The following PCNX2 variants were observed in gnomAD, a reference collection of about 807,000 sequenced individuals.
The protein encoded by PCNX2 is pecanex 2.
A neutral mutation model predicts 223.8 loss-of-function variants in PCNX2; 168 were observed. That is an observed-to-expected ratio of 0.75 (90% CI 0.66 to 0.85). PCNX2 has a LOEUF of 0.85. Among genes scored for constraint, PCNX2 ranks in the 40% least tolerant of loss-of-function variants. PCNX2 has a pLI of 0.00. For synonymous variants in PCNX2, 1,006 were observed against 1,052.6 expected (o/e 0.96, Z 0.86); for missense variants, 2,507 against 2,675.5 (o/e 0.94, Z 1.39).
intron 25 of PCNX2, among the ~76,000 whole-genome samples, chr1:233,039,541 A>C (rs1214715706): frequency 6.6e-6 from 1 of 152,204 alleles, no homozygotes; most frequent in Non-Finnish European, 1.5e-5. Context: ...CTTCTAATCC[A>C]ACCAATATTT....
At chr1:233,311,998 G>T in the PCNX2 span, among the ~76,000 whole-genome samples, 1 of 151,950 alleles carries the variant, frequency 6.6e-6, no homozygotes, top group Non-Finnish European at 1.5e-5. Flanking sequence ...GTGGTGGCAG[G>T]CGCCTATAGT....
chr1:233,108,089 C>G (rs1012527493), intron 21 of PCNX2, among the ~76,000 whole-genome samples: 5 of 152,190 alleles, frequency 3.3e-5, no homozygotes, highest in African/African-American at 1.2e-4. Context: ...TATTCCACCC[C>G]TTGTTTAGCA....
rs755360550 is a variant in PCNX2, at chr1:233,200,231, A to G, written c.2897T>C (p.Leu966Pro). 1 of 1,589,672 alleles carries G rather than the reference A, an allele frequency of 6.3e-7. No homozygotes were observed. Among genetic ancestry groups the G allele is most frequent in the East Asian group, 2.3e-5 (1 of 44,118 alleles). Residue 966 changes from leucine to proline, a missense_variant, in exon 14 of 34, where the codon CTT (leucine) becomes CCT (proline). Physicochemically the swap from Leu to Pro is moderately conservative, Grantham distance 98 (BLOSUM62 -3). Around this residue, in one of 3 missense-constraint regions of PCNX2, gnomAD observed 1,372 missense variants for 1,509.4 expected, o/e 0.91. Coordinates refer to ENST00000258229, the MANE Select transcript of PCNX2 (RefSeq NM_014801.4). Reference sequence around the variant, plus strand: ...AGTGTTGATTTGCGGGAAGAGCCCAAGGAGGGAAATAGCAGGGAAGCAATA... The same window carrying G: ...AGTGTTGATTTGCGGGAAGAGCCCAGGGAGGGAAATAGCAGGGAAGCAATA... ...FLYCFPAISL[L>P]GLFPQINTFC...
intron 21 of PCNX2, among the ~76,000 whole-genome samples, chr1:233,097,182 A>G (rs901759840): frequency 6.6e-6 from 1 of 152,102 alleles, no homozygotes; most frequent in Non-Finnish European, 1.5e-5. Flanking sequence ...CTGACCTAAA[A>G]ACATGTCTAC....
rs1031275079 is a variant in PCNX2 at position 233,000,503 on chromosome 1, G to T, written c.5130C>A (p.Asp1710Glu). Residue 1710 changes from aspartate to glutamate, a missense_variant, in exon 30 of 34, where the codon GAC (aspartate) becomes GAA (glutamate). By Grantham distance (45) the Asp-to-Glu change is conservative (BLOSUM62 2). Coordinates refer to ENST00000258229, the MANE Select transcript of PCNX2 (RefSeq NM_014801.4). The surrounding 1 kb of genome is among the most constrained non-coding windows in gnomAD (Gnocchi z 4.6). ...DQFTCPDEYE[D>E]PAVLYEAIQS... ...GGATGGCCTCGTAGAGGACTGCTGG[G>T]TCTTCATACTCGTCAGGGCAAGTGA... is the stretch of plus-strand genomic sequence containing the variant. The T allele has an allele frequency of 1.2e-6, 2 of 1,603,842 alleles. No individual in the cohort carries two copies. The highest frequency in any genetic ancestry group is 2.2e-5 in the South Asian group (2 of 89,886).
chr1:233,258,485 C>T lies in PCNX2; in HGVS notation c.1377G>A (p.Lys459=), dbSNP rs1659858010. The part of the protein sequence containing the change: ...NGSERTPERL[K]TRVSTNQCSG... ...AACACTGATTGGTGGATACCCTCGTCTTCAGTCTCTCTGGAGTCCTTTCAC... is the reference window on the plus strand; with the variant it reads ...AACACTGATTGGTGGATACCCTCGTTTTCAGTCTCTCTGGAGTCCTTTCAC... The change falls in exon 5 of 34, where the codon AAG becomes AAA. Residue 459 remains lysine (K), a synonymous_variant. Transcript: ENST00000258229. 6.2e-7 allele frequency: 1 copy of T among 1,613,898 alleles called. No individual in the cohort carries two copies. Among genetic ancestry groups the T allele is most frequent in the Admixed American group, 1.7e-5 (1 of 60,010 alleles).
chr1:233,252,300 G>A (rs1055533704), intron 7 of PCNX2, 54 bp downstream of exon 7: 2 of 1,554,844 alleles, frequency 1.3e-6, no homozygotes, highest in Non-Finnish European at 1.8e-6. Context: ...TGAGTCCTGA[G>A]AAAGCTGACA....
At chr1:233,205,063 T>C (rs1572072934) in intron 13 of PCNX2, among the ~76,000 whole-genome samples, 1 of 152,328 alleles carries the variant, frequency 6.6e-6, no homozygotes, top group East Asian at 1.9e-4. Context: ...TTTTTTGAGC[T>C]TTAATAACAC....
intron 19 of PCNX2, among the ~76,000 whole-genome samples, chr1:233,154,321 C>G (rs1469354600): frequency 6.6e-6 from 1 of 152,162 alleles, no homozygotes; most frequent in Non-Finnish European, 1.5e-5. Context: ...ACCTCATGGT[C>G]CACCCACCTC....
intron 23 of PCNX2, among the ~76,000 whole-genome samples, chr1:233,067,302 C>T (rs7515105): frequency 0.24 from 30,307 of 128,702 alleles, 5,184 homozygotes; most frequent in African/African-American, 0.5. Context: ...AAATTAGCCG[C>T]CATAAAAATG....
chr1:233,268,000 G>A (rs183800809), intron 1 of PCNX2, among the ~76,000 whole-genome samples: 11 of 152,020 alleles, frequency 7.2e-5, no homozygotes, highest in East Asian at 3.9e-4. Context: ...CAATCTCTGC[G>A]TCCCGAGTTG....
Position 232,986,515 on chromosome 1 carries a change from G to T in PCNX2, c.5817C>A (p.Ser1939=). The T allele has an allele frequency of 1.3e-6, 2 of 1,544,836 alleles. No individual in the cohort carries two copies. ...RTGRRKGRSQ[S]VQAHSALSQR... ...GGCTTAGCGCTGAGTGTGCCTGCACGGACTGGCTCCTGCCTTTCCTCCTGC... is the reference window on the plus strand; with the variant it reads ...GGCTTAGCGCTGAGTGTGCCTGCACTGACTGGCTCCTGCCTTTCCTCCTGC... The change falls in exon 33 of 34, where the codon TCC becomes TCA. Residue 1939 remains serine (S), a synonymous_variant. Transcript: ENST00000258229.
At position 233,262,995 on chromosome 1, in the gene PCNX2, C is replaced by T. The variant is rs554903104; in HGVS notation, c.322G>A (p.Ala108Thr). Residue 108 changes from alanine (A) to threonine (T), a missense_variant, in exon 2 of 34, where the codon GCC (alanine) becomes ACC (threonine). Physicochemically the swap from Ala to Thr is moderately conservative, Grantham distance 58 (BLOSUM62 0). Coordinates refer to ENST00000258229, the MANE Select transcript of PCNX2 (RefSeq NM_014801.4). Reference sequence around the variant, plus strand: ...TGATTAGTTATGTGTTCACCTTTGGCCTCCTTGTCTTTATTTGGCTTTTCT... The same window carrying T: ...TGATTAGTTATGTGTTCACCTTTGGTCTCCTTGTCTTTATTTGGCTTTTCT... ...KEEKPNKDKE[A>T]KGEHITNHRN... 6.8e-6 allele frequency: 11 copies of T among 1,613,644 alleles called. No homozygotes were observed. In the East Asian group the frequency reaches 2.2e-4, roughly 33 times the overall value.
intron 21 of PCNX2, among the ~76,000 whole-genome samples, chr1:233,129,768 C>T (rs559378506): frequency 1.4e-4 from 21 of 152,208 alleles, no homozygotes; most frequent in Non-Finnish European, 2.9e-4. Context: ...AATCAGCACC[C>T]TGTCAAACGG....
intron 9 of PCNX2, among the ~76,000 whole-genome samples, chr1:233,234,901 G>A (rs1270927719): frequency 6.6e-6 from 1 of 152,090 alleles, no homozygotes; most frequent in Non-Finnish European, 1.5e-5. Context: ...GCAGCTGGGG[G>A]TGGGGCTGGG....
chr1:233,248,024 G>C (rs1017455583), intron 8 of PCNX2, among the ~76,000 whole-genome samples: 1 of 152,182 alleles, frequency 6.6e-6, no homozygotes, highest in Admixed American at 6.5e-5. Context: ...TCTGAGACTG[G>C]TGGACCAAGA....
chr1:233,327,277 G>A, the PCNX2 span, among the ~76,000 whole-genome samples: 1 of 151,824 alleles, frequency 6.6e-6, no homozygotes, highest in East Asian at 2.0e-4. Context: ...GATGACGGCC[G>A]ATCCCGCCTC....
At chr1:233,221,181 C>T (rs1332324331) in intron 10 of PCNX2, among the ~76,000 whole-genome samples, 3 of 121,010 alleles carry the variant, frequency 2.5e-5, no homozygotes, top group Non-Finnish European at 5.1e-5. Flanking sequence ...AATCATGAGG[C>T]TCAAGTTGAA....
At chr1:233,025,599 G>A in intron 25 of PCNX2, 200 bp from the exon 26 acceptor site, 2 of 647,670 alleles carry the variant, frequency 3.1e-6, no homozygotes, top group South Asian at 4.3e-5. Flanking sequence ...CTCACATTCA[G>A]TCTGAGTCTC....
Sources: gnomAD v4.1 joint callset for allele counts (sites outside exome capture counted in the v4.1 genomes callset) on GRCh38, gnomAD v4.1.1 for gene constraint, gnomAD v4.1.1 regional missense constraint, Gnocchi (gnomAD v3.1) non-coding constraint, MANE v1.5 for transcripts, NCBI Gene and HGNC (gene_info 2026-07-23, HGNC 2026-07-21) for gene names.